Variants in AP4M1 observed in about 807,000 individuals in gnomAD.
The protein encoded by AP4M1 is adaptor related protein complex 4 subunit mu 1.
Under a neutral mutation model 62.4 loss-of-function variants are expected in AP4M1, and 58 were observed. That is an observed-to-expected ratio of 0.93 (90% CI 0.75 to 1.16). AP4M1 has a LOEUF of 1.16. Among genes scored for constraint, AP4M1 ranks in the 50% most tolerant of loss-of-function variants. The pLI, the probability that AP4M1 is intolerant of heterozygous loss-of-function variation, is 0.00. For missense variants in AP4M1, 626 were observed against 585.4 expected (o/e 1.07, Z -0.72); for synonymous variants, 290 against 239.7 (o/e 1.21, Z -1.94).
At position 100,102,877 on chromosome 7, in the gene AP4M1, C is replaced by T. The variant is rs1269036662; in HGVS notation, c.268C>T (p.Leu90=). The T allele has an allele frequency of 1.9e-6, 3 of 1,613,982 alleles. No individual in the cohort carries two copies. In the African/African-American group the frequency reaches 4.0e-5, roughly 22 times the overall value. Residue 90 remains leucine (L), a synonymous_variant, in exon 4 of 15, where the codon CTG becomes TTG. Coordinates refer to ENST00000359593, the MANE Select transcript of AP4M1 (RefSeq NM_004722.4). ...GTGTTTCCTCAGGTTGGCCACCCTT[C>T]TGGGCGATTACTGTGGCTCCCTGGG... ...LELLSRLATL[L]GDYCGSLGEG... is the part of the protein sequence containing the mutation.
At chr7:100,105,877 C>T (rs1266407565) in intron 11 of AP4M1, 82 bp from the exon 12 acceptor site, 45 of 1,517,654 alleles carry the variant, frequency 3.0e-5, no homozygotes, top group Non-Finnish European at 3.8e-5. Context: ...CCCACACAGC[C>T]CCACATGGAG....
Position 100,107,869 on chromosome 7 carries a change from G to T in AP4M1, c.*987G>T. 1.3e-6 allele frequency: 2 copies of T among 1,549,780 alleles called. No individual in the cohort carries two copies. The highest frequency in any genetic ancestry group is 1.7e-6 in the Non-Finnish European group (2 of 1,143,970). The stretch of plus-strand genomic sequence containing the variant: ...GTGCTCTACTCCTGGGCCTCCCCAG[G>T]GTGCTCTGAGGTAACCCAGGCCCTC... On this transcript the variant is annotated 3_prime_UTR_variant, in exon 15 of 15. Transcript: ENST00000359593.
chr7:100,102,997 A>C, intron 4 of AP4M1, 37 bp downstream of exon 4: 1 of 1,566,222 alleles, frequency 6.4e-7, no homozygotes, highest in Admixed American at 1.7e-5. Flanking sequence ...GCCCCTACCC[A>C]ATTCCCCTGA....
At position 100,108,354 on chromosome 7, in the gene AP4M1, C is replaced by T; in HGVS notation, c.*1472C>T. ...TGCTTCCTCCTATTCCTCCTCCCCACCCGGCCACGGACCTGCGTGATGGTC... is the reference window on the plus strand; with the variant it reads ...TGCTTCCTCCTATTCCTCCTCCCCATCCGGCCACGGACCTGCGTGATGGTC... On this transcript the variant is annotated 3_prime_UTR_variant, in exon 15 of 15. Coordinates refer to ENST00000359593, the MANE Select transcript of AP4M1 (RefSeq NM_004722.4). The T allele has an allele frequency of 6.3e-7, 1 of 1,590,122 alleles. No homozygotes were observed. Among genetic ancestry groups the T allele is most frequent in the Non-Finnish European group, 8.6e-7 (1 of 1,164,806 alleles).
intron 13 of AP4M1, 46 bp from the exon 14 acceptor site, chr7:100,106,357 C>T (rs752937582): frequency 1.2e-6 from 2 of 1,612,360 alleles, no homozygotes; most frequent in Non-Finnish European, 1.7e-6. Flanking sequence ...GACGGGTCTG[C>T]CTCAAGAAGG....
At chr7:100,105,896 T>C (rs1796431788) in intron 11 of AP4M1, 63 bp from the exon 12 acceptor site, 1 of 1,582,750 alleles carries the variant, frequency 6.3e-7, no homozygotes, top group Admixed American at 1.7e-5. Flanking sequence ...AGGTCCCTGG[T>C]GGGGAATGGT....
upstream of AP4M1, among the ~76,000 whole-genome samples, chr7:100,101,048 C>T (rs1197971704): frequency 1.3e-5 from 2 of 152,160 alleles, no homozygotes; most frequent in African/African-American, 4.8e-5. Flanking sequence ...AACACCTTTA[C>T]CAGGTGGGAT....
intron 8 of AP4M1, 52 bp downstream of exon 8, chr7:100,104,992 G>A: frequency 6.2e-7 from 1 of 1,614,102 alleles, no homozygotes; most frequent in Non-Finnish European, 8.5e-7. Flanking sequence ...GGGTTCCTTG[G>A]TGTCTTAAAC....
chr7:100,101,386 C>G, upstream of AP4M1: 2 of 1,566,800 alleles, frequency 1.3e-6, no homozygotes, highest in Non-Finnish European at 8.7e-7. Flanking sequence ...CTGTGGCCGG[C>G]CAACCGAAAT....
intron 11 of AP4M1, 80 bp downstream of exon 11, chr7:100,105,619 G>C (rs1229537392): frequency 2.3e-5 from 32 of 1,392,788 alleles, no homozygotes; most frequent in Non-Finnish European, 2.9e-5. Flanking sequence ...ACTGCAGAGT[G>C]GGGGTGGTGG....
chr7:100,106,332 G>A (rs765094865), intron 13 of AP4M1, 41 bp downstream of exon 13: 1 of 1,613,552 alleles, frequency 6.2e-7, no homozygotes, highest in African/African-American at 1.3e-5. Context: ...CCTGGGGAGA[G>A]AGTGAGCTCA....
In AP4M1 at chr7:100,107,492, A is replaced by G. The variant is rs2116693201; in HGVS notation, c.*610A>G. Reference sequence around the variant, plus strand: ...TCTGGACACTCCCAGGACCAGAGGGAGCAGTGCTGGGGGGTGCGGTGGTGG... The same window carrying G: ...TCTGGACACTCCCAGGACCAGAGGGGGCAGTGCTGGGGGGTGCGGTGGTGG... On this transcript the variant is annotated 3_prime_UTR_variant, in exon 15 of 15. Transcript: ENST00000359593. The G allele has an allele frequency of 1.9e-6, 3 of 1,613,880 alleles. No homozygotes were observed. Among genetic ancestry groups the G allele is most frequent in the Non-Finnish European group, 2.5e-6 (3 of 1,179,922 alleles).
chr7:100,106,180 G>A, intron 12 of AP4M1, 61 bp from the exon 13 acceptor site: 9 of 1,591,740 alleles, frequency 5.7e-6, no homozygotes, highest in South Asian at 1.1e-5. Context: ...TGACATTGAA[G>A]AGGAACAGGA....
At position 100,107,638 on chromosome 7, in the gene AP4M1, A is replaced by G; in HGVS notation, c.*756A>G. The G allele has an allele frequency of 1.9e-6, 3 of 1,608,548 alleles. No homozygotes were observed. The highest frequency in any genetic ancestry group is 1.7e-6 in the Non-Finnish European group (2 of 1,178,226). ...AGGGACAGGACCTGGATAGAAAGGAAAGGCAGGCCGCTTGCCCTGTGCCCT... is the reference window on the plus strand; with the variant it reads ...AGGGACAGGACCTGGATAGAAAGGAGAGGCAGGCCGCTTGCCCTGTGCCCT... On this transcript the variant is annotated 3_prime_UTR_variant, in exon 15 of 15. Coordinates refer to ENST00000359593, the MANE Select transcript of AP4M1 (RefSeq NM_004722.4).
chr7:100,101,548 T>TC (rs1388115049), upstream of AP4M1: 3 of 814,444 alleles, frequency 3.7e-6, no homozygotes, highest in Non-Finnish European at 4.1e-6. Context: ...CGGAAGGGAA[T>TC]CTCCGGGCGG....
At chr7:100,101,084 GC>G, upstream of AP4M1, 1 of 757,934 alleles carries the variant, frequency 1.3e-6, no homozygotes. Context: ...AACATCGATG[GC>G]CCCCCGCACG....
chr7:100,105,583 CCAAGACCTGTATGTTCCCAAGACT>C (rs1300860040), intron 11 of AP4M1, 44 bp downstream of exon 11: 1 of 1,546,994 alleles, frequency 6.5e-7, no homozygotes, highest in African/African-American at 1.4e-5. Flanking sequence ...GGAACCCAAG[CCAAGACCTGTATGTTCCCAAGACT>C]CACTGCAGAG....
At position 100,102,942 on chromosome 7, in the gene AP4M1, A is replaced by C. The variant is rs138437966; in HGVS notation, c.333A>C (p.Glu111Asp). Residue 111 changes from glutamate (E) to aspartate (D), a missense_variant, in exon 4 of 15, where the codon GAA (glutamate) becomes GAC (aspartate). Coordinates refer to ENST00000359593, the MANE Select transcript of AP4M1 (RefSeq NM_004722.4). ...CCCGCAATGTGGCTCTGGTATACGA[A>C]CTCCTGGATGAAGTGCTGGTGAGAA... Reference protein sequence around the residue: ...TISRNVALVYELLDEVLDYGY... With the variant: ...TISRNVALVYDLLDEVLDYGY... 5.7e-4 allele frequency: 916 copies of C among 1,613,266 alleles called. No individual in the cohort carries two copies. The highest frequency in any genetic ancestry group is 6.1e-4 in the Non-Finnish European group (723 of 1,179,864).
chr7:100,108,537 G>GTT lies in AP4M1; in HGVS notation c.*1657_*1658dup. On this transcript the variant is annotated 3_prime_UTR_variant, in exon 15 of 15. Coordinates refer to ENST00000359593, the MANE Select transcript of AP4M1 (RefSeq NM_004722.4). ...AGCTTTGCCAGAACAGGAGCACAGT[G>GTT]TTTCTGCAGAACAGAAAAAAAGCCA... 6.2e-7 allele frequency: 1 copy of GTT among 1,602,516 alleles called. No individual in the cohort carries two copies.
Sources: gnomAD v4.1 joint callset for allele counts (sites outside exome capture counted in the v4.1 genomes callset) on GRCh38, gnomAD v4.1.1 for gene constraint, MANE v1.5 for transcripts, NCBI Gene and HGNC (gene_info 2026-07-23, HGNC 2026-07-21) for gene names.